Variants in PIGB observed in about 807,000 individuals in gnomAD.
PIGB encodes the protein phosphatidylinositol glycan anchor biosynthesis class B, also known as GPI alpha-1,2-mannosyltransferase 3.
A neutral mutation model predicts 68.4 loss-of-function variants in PIGB; 58 were observed. The observed-to-expected ratio is 0.85, with a 90% CI of 0.69 to 1.06. The LOEUF (loss-of-function observed/expected upper bound fraction) is 1.06. Ranked by LOEUF, PIGB falls within the 50% of genes least tolerant of loss-of-function variation. PIGB has a pLI of 0.00. For missense variants in PIGB, 634 were observed against 655.8 expected (o/e 0.97, Z 0.36); for synonymous variants, 219 against 220.5 (o/e 0.99, Z 0.06).
chr15:55,321,745 C>T (rs1457791870), intron 3 of PIGB, among the ~76,000 whole-genome samples: 1 of 146,902 alleles, frequency 6.8e-6, no homozygotes, highest in South Asian at 2.2e-4. Flanking sequence ...CTCCACCTCC[C>T]GGGTTCAAGC....
intron 10 of PIGB, 24 bp downstream of exon 10, chr15:55,350,936 T>C (rs1566960238): frequency 8.0e-7 from 1 of 1,252,210 alleles, no homozygotes; most frequent in South Asian, 1.3e-5. Flanking sequence ...TTCCACTATA[T>C]GCTGTTAAGA....
intron 11 of PIGB, 73 bp downstream of exon 11, chr15:55,355,051 TAGATA>T: frequency 8.1e-7 from 1 of 1,232,788 alleles, no homozygotes; most frequent in Non-Finnish European, 1.1e-6. Context: ...CTCAGGTAAA[TAGATA>T]ATATAACCTT....
At chr15:55,324,974 G>A (rs1037725668) in intron 3 of PIGB, 3 of 219,478 alleles carry the variant, frequency 1.4e-5, no homozygotes, top group African/African-American at 7.0e-5. Flanking sequence ...AAAAGCCACT[G>A]ACAACTAAAA....
In PIGB at chr15:55,333,950, A is replaced by G. The variant is rs747824826; in HGVS notation, c.737A>G (p.His246Arg). 26 of 1,608,472 alleles carry G rather than the reference A, an allele frequency of 1.6e-5. No individual in the cohort carries two copies. Among genetic ancestry groups the G allele is most frequent in the Non-Finnish European group, 2.1e-5 (25 of 1,177,726 alleles). The change falls in exon 6 of 12, where the codon CAT (histidine) becomes CGT (arginine). Residue 246 changes from histidine to arginine, a missense_variant. Coordinates refer to ENST00000164305, the MANE Select transcript of PIGB (RefSeq NM_004855.5). The part of the protein sequence containing the change: ...VILWTPLLFR[H>R]FCQEPRKLDL... ...CTGTGGACACCTTTGCTCTTCAGAC[A>G]TTTCTGTCAAGAACCAAGAAAGCTT...
At chr15:55,332,268 C>T (rs566118457) in intron 5 of PIGB, among the ~76,000 whole-genome samples, 2 of 151,698 alleles carry the variant, frequency 1.3e-5, no homozygotes, top group South Asian at 2.1e-4. Flanking sequence ...TCACTGCACC[C>T]AGCCCCATTT....
At chr15:55,342,208 T>G (rs1329260535) in intron 9 of PIGB, among the ~76,000 whole-genome samples, 2 of 152,220 alleles carry the variant, frequency 1.3e-5, no homozygotes, top group African/African-American at 4.8e-5. Flanking sequence ...GGTGGTGGTG[T>G]TTCTCACTAA....
At chr15:55,321,734 C>T (rs1333169445) in intron 3 of PIGB, among the ~76,000 whole-genome samples, 1 of 145,496 alleles carries the variant, frequency 6.9e-6, no homozygotes, top group Non-Finnish European at 1.5e-5. Context: ...CTCACCACAA[C>T]CTCCACCTCC....
intron 9 of PIGB, chr15:55,348,406 T>G (rs2055850494): frequency 6.6e-6 from 1 of 152,306 alleles, no homozygotes; most frequent in African/African-American, 2.4e-5. Flanking sequence ...CTTGCTGTAG[T>G]TTGGACGTTT....
chr15:55,321,307 C>G lies in PIGB; in HGVS notation c.334C>G (p.Leu112Val), dbSNP rs779873882. 1.7e-5 allele frequency: 28 copies of G among 1,605,006 alleles called. No individual in the cohort carries two copies. The South Asian group carries it at 2.9e-4, about 17-fold the overall frequency. The change falls in exon 3 of 12, where the codon CTG becomes GTG. Residue 112 changes from leucine to valine, a missense_variant. Leu to Val is a conservative substitution (Grantham distance 32). Coordinates refer to ENST00000164305, the MANE Select transcript of PIGB (RefSeq NM_004855.5). The part of the protein sequence containing the change: ...GYLTWEWTER[L>V]RSYTYPLIFA... ...TTTGACTTGGGAATGGACAGAGAGA[C>G]TGAGGAGTTACACTTATCCCTTAAT...
chr15:55,328,608 T>C lies in PIGB; in HGVS notation c.522+973T>C, dbSNP rs575877081. 2.6e-5 allele frequency among the ~76,000 whole-genome samples: 4 copies of C among 152,336 alleles called. No homozygotes were observed. The East Asian group carries it at 5.8e-4, about 22-fold the overall frequency. On this transcript the variant is annotated intron_variant, in intron 4 of 11. Coordinates refer to ENST00000164305, the MANE Select transcript of PIGB (RefSeq NM_004855.5). ...ATTTTGTGCTTATACTTTATGTACA[T>C]TGCAGAAGGCTCAACATAAAATGGT...
chr15:55,342,304 A>G (rs1490999950), intron 9 of PIGB, among the ~76,000 whole-genome samples: 1 of 152,210 alleles, frequency 6.6e-6, no homozygotes, highest in Non-Finnish European at 1.5e-5. Flanking sequence ...CAAAGGAAAA[A>G]TGTATTTACT....
chr15:55,342,016 G>T (rs1323309489), intron 9 of PIGB, among the ~76,000 whole-genome samples: 1 of 152,114 alleles, frequency 6.6e-6, no homozygotes, highest in African/African-American at 2.4e-5. Context: ...TCCTAGCCCA[G>T]TGCAGTGGTG....
At chr15:55,352,239 G>A (rs979925815) in intron 10 of PIGB, among the ~76,000 whole-genome samples, 15 of 152,016 alleles carry the variant, frequency 9.9e-5, no homozygotes, top group Non-Finnish European at 1.5e-4. Flanking sequence ...GTGAGCCACC[G>A]CACCCGGCCT....
rs141325714 is a variant in PIGB, at chr15:55,328,562, A to C, written c.522+927A>C. On this transcript the variant is annotated intron_variant, in intron 4 of 11. Coordinates refer to ENST00000164305, the MANE Select transcript of PIGB (RefSeq NM_004855.5). ...CAACTAAGTCCTTGCTAATTGATTC[A>C]GCAATATGGTTAGCCTCATTATTTT... 2.1e-3 allele frequency among the ~76,000 whole-genome samples: 316 copies of C among 152,330 alleles called. 1 individual carries two copies. Among genetic ancestry groups the C allele is most frequent in the African/African-American group, 7.3e-3 (304 of 41,576 alleles).
intron 3 of PIGB, among the ~76,000 whole-genome samples, chr15:55,324,018 G>C (rs4334232): frequency 0.49 from 74,614 of 152,008 alleles, 21,571 homozygotes; most frequent in African/African-American, 0.79. Context: ...CTCCCGAGTA[G>C]CTGGGATTAC....
intron 9 of PIGB, among the ~76,000 whole-genome samples, chr15:55,349,080 CCT>C (rs2055868128): frequency 6.6e-6 from 1 of 151,274 alleles, no homozygotes; most frequent in Admixed American, 6.6e-5. Context: ...TGGGGTTTCA[CCT>C]CTGTTGGCCA....
chr15:55,340,628 TTAA>T lies in PIGB; in HGVS notation c.865_867del (p.Asn289del). On this transcript the variant is annotated inframe_deletion, in exon 8 of 12. Coordinates refer to ENST00000164305, the MANE Select transcript of PIGB (RefSeq NM_004855.5). Reference sequence around the variant, plus strand: ...CGGTGCCAGTGGACTCTGGTTCAATTTAATTTTTTGAAATTTAACGTGCTGCAG... The same window carrying T: ...CGGTGCCAGTGGACTCTGGTTCAATTTTTTTTGAAATTTAACGTGCTGCAG... 1 of 1,610,902 alleles carries T rather than the reference TTAA, an allele frequency of 6.2e-7. No individual in the cohort carries two copies. The highest frequency in any genetic ancestry group is 8.5e-7 in the Non-Finnish European group (1 of 1,178,270).
At chr15:55,343,094 T>A (rs1272469775) in intron 9 of PIGB, 1 of 152,140 alleles carries the variant, frequency 6.6e-6, no homozygotes, top group Non-Finnish European at 1.5e-5. Context: ...CTCCTACAGA[T>A]CTGAGATGTA....
chr15:55,344,988 T>A (rs1302349720), intron 9 of PIGB, among the ~76,000 whole-genome samples: 1 of 147,998 alleles, frequency 6.8e-6, no homozygotes, highest in Non-Finnish European at 1.5e-5. Context: ...CTCCGCCTCC[T>A]GGGTTCAAGA....
Sources: allele counts gnomAD v4.1 joint callset (sites outside exome capture counted in the v4.1 genomes callset), GRCh38; gene constraint gnomAD v4.1.1; transcripts MANE v1.5; gene names NCBI Gene and HGNC (gene_info 2026-07-23, HGNC 2026-07-21).